The following CEP128 variants were observed in gnomAD, a reference collection of about 807,000 sequenced individuals.
The protein encoded by CEP128 is centrosomal protein 128.
Under a neutral mutation model 156.7 loss-of-function variants are expected in CEP128, and 132 were observed. The observed-to-expected ratio is 0.84, with a 90% confidence interval of 0.73 to 0.97. CEP128 has a LOEUF of 0.97. CEP128 is among the 50% of genes least tolerant of loss of function. The probability of loss-of-function intolerance (pLI) is 0.00; values close to 1 mark genes in which losing one functional copy is unlikely to be tolerated. For missense variants in CEP128, 1,252 were observed against 1,281.9 expected (o/e 0.98, Z 0.36); for synonymous variants, 469 against 448.9 (o/e 1.04, Z -0.57).
chr14:80,663,909 A>G (rs1172701520), intron 19 of CEP128, among the ~76,000 whole-genome samples: 3 of 152,212 alleles, frequency 2.0e-5, no homozygotes, highest in Non-Finnish European at 4.4e-5. Flanking sequence ...CAGTATTTAG[A>G]GGCAGCTCCA....
intron 16 of CEP128, among the ~76,000 whole-genome samples, chr14:80,769,436 G>A (rs573079503): frequency 6.5e-4 from 96 of 148,650 alleles, no homozygotes; most frequent in African/African-American, 2.0e-3. Context: ...CACTCCCCCC[G>A]CCCCACGACA....
chr14:80,739,274 T>G (rs1898687129), intron 19 of CEP128, among the ~76,000 whole-genome samples: 1 of 152,078 alleles, frequency 6.6e-6, no homozygotes, highest in African/African-American at 2.4e-5. Flanking sequence ...AAGCTACCCA[T>G]CAAAATAAGA....
intron 13 of CEP128, among the ~76,000 whole-genome samples, chr14:80,812,771 G>C (rs1017437124): frequency 1.3e-5 from 2 of 152,178 alleles, no homozygotes; most frequent in African/African-American, 4.8e-5. Flanking sequence ...CACCATGTTG[G>C]TCAGGCTGGT....
chr14:80,764,343 A>G (rs1462357490), intron 16 of CEP128, among the ~76,000 whole-genome samples: 1 of 151,358 alleles, frequency 6.6e-6, no homozygotes, highest in Non-Finnish European at 1.5e-5. Context: ...CTAAAAATAC[A>G]AAAAAATTAG....
chr14:80,833,840 T>C (rs1418112039), intron 12 of CEP128, among the ~76,000 whole-genome samples: 2 of 152,148 alleles, frequency 1.3e-5, no homozygotes, highest in Non-Finnish European at 2.9e-5. Flanking sequence ...TCAGGATGTA[T>C]AAATAGGCAT....
chr14:80,904,503 G>A (rs1695402802), intron 6 of CEP128, among the ~76,000 whole-genome samples: 1 of 151,990 alleles, frequency 6.6e-6, no homozygotes, highest in Admixed American at 6.6e-5. Context: ...AATTTCAAAT[G>A]TCTCACCATA....
chr14:80,682,895 A>C (rs1595210387), intron 19 of CEP128, among the ~76,000 whole-genome samples: 2 of 152,336 alleles, frequency 1.3e-5, no homozygotes, highest in East Asian at 3.9e-4. Context: ...TCAAGTGCTA[A>C]GGGAATTTGT....
chr14:80,788,972 T>C (rs1441273507), intron 14 of CEP128, among the ~76,000 whole-genome samples: 1 of 152,204 alleles, frequency 6.6e-6, no homozygotes, highest in Non-Finnish European at 1.5e-5. Context: ...GTGATGGTCT[T>C]ACATTAATTA....
intron 13 of CEP128, among the ~76,000 whole-genome samples, chr14:80,816,922 G>C (rs1448166900): frequency 6.7e-6 from 1 of 149,956 alleles, no homozygotes; most frequent in African/African-American, 2.5e-5. Context: ...CTTTAATTAA[G>C]TTAGACTATG....
intron 16 of CEP128, among the ~76,000 whole-genome samples, chr14:80,774,665 C>T (rs907941776): frequency 6.6e-6 from 1 of 151,664 alleles, no homozygotes; most frequent in African/African-American, 2.4e-5. Flanking sequence ...ACACACATAC[C>T]TCTTTGTCCA....
chr14:80,583,840 T>C (rs964880696), intron 19 of CEP128, among the ~76,000 whole-genome samples: 1 of 152,178 alleles, frequency 6.6e-6, no homozygotes, highest in African/African-American at 2.4e-5. Context: ...AACCTTCTTA[T>C]CTCTATTCAG....
At chr14:80,917,099 G>C (rs971030878) in intron 2 of CEP128, among the ~76,000 whole-genome samples, 1 of 152,170 alleles carries the variant, frequency 6.6e-6, no homozygotes, top group Non-Finnish European at 1.5e-5. Flanking sequence ...AACAAATGCT[G>C]TAATACAGAT....
intron 20 of CEP128, among the ~76,000 whole-genome samples, chr14:80,564,975 C>G (rs1243189594): frequency 6.6e-6 from 1 of 152,086 alleles, no homozygotes. Flanking sequence ...AGGAGAATCC[C>G]TTGAACCCAG....
At chr14:80,830,610 C>T (rs1192029346) in intron 13 of CEP128, 3 of 174,994 alleles carry the variant, frequency 1.7e-5, no homozygotes, top group Non-Finnish European at 3.6e-5. Flanking sequence ...TGGTAGCTGC[C>T]TAGTTATACT....
chr14:80,536,449 C>G (rs1451644025), intron 21 of CEP128, among the ~76,000 whole-genome samples: 2 of 152,032 alleles, frequency 1.3e-5, no homozygotes, highest in African/African-American at 4.8e-5. Flanking sequence ...TGGCACTGCA[C>G]ACATGTTAAA....
Position 80,858,486 on chromosome 14 carries a change from G to A in CEP128, c.762+4271C>T, listed in dbSNP as rs1187828609. 1.2e-3 allele frequency among the ~76,000 whole-genome samples: 133 copies of A among 113,078 alleles called. 1 individual carries two copies. The highest frequency in any genetic ancestry group is 4.6e-3 in the African/African-American group (126 of 27,562). The allele number at this position is 113,078 out of a possible 152,430, so 74.2% of individuals were successfully genotyped here. On this transcript the variant is annotated intron_variant, in intron 9 of 24. Transcript: ENST00000555265. ...ATTACCATTCAGGACATAGGCATGG[G>A]CAAGGACTTCATGTCTAAAACACCA...
intron 19 of CEP128, among the ~76,000 whole-genome samples, chr14:80,741,477 C>CAGA: frequency 6.6e-6 from 1 of 152,158 alleles, no homozygotes; most frequent in African/African-American, 2.4e-5. Context: ...CAGGAATTTC[C>CAGA]AAATTCCAAA....
At chr14:80,864,044 A>G (rs1887648172) in intron 8 of CEP128, among the ~76,000 whole-genome samples, 1 of 152,226 alleles carries the variant, frequency 6.6e-6, no homozygotes, top group Admixed American at 6.5e-5. Context: ...ATTCTTCCTC[A>G]GCCTACTCAA....
intron 13 of CEP128, among the ~76,000 whole-genome samples, chr14:80,794,454 C>T (rs1179733956): frequency 6.6e-6 from 1 of 152,116 alleles, no homozygotes; most frequent in Non-Finnish European, 1.5e-5. Flanking sequence ...GAACTGTGTA[C>T]TTGTGTGTGT....
Sources: allele counts gnomAD v4.1 joint callset (sites outside exome capture counted in the v4.1 genomes callset), GRCh38; gene constraint gnomAD v4.1.1; transcripts MANE v1.5; gene names NCBI Gene and HGNC (gene_info 2026-07-23, HGNC 2026-07-21).